The following PCDHGA10 variants were observed in gnomAD, a reference collection of about 807,000 sequenced individuals.
PCDHGA10 encodes protocadherin gamma-A10.
PCDHGA10 carries 42 observed loss-of-function variants against 59.5 expected under a neutral mutation model. That is an observed-to-expected ratio of 0.71 (90% CI 0.55 to 0.91). PCDHGA10 has a LOEUF of 0.91. Among genes scored for constraint, PCDHGA10 ranks in the 40% least tolerant of loss-of-function variants. The pLI is 0.00. For missense variants in PCDHGA10, 1,111 were observed against 1,198.2 expected (o/e 0.93, Z 1.07); for synonymous variants, 511 against 517.2 (o/e 0.99, Z 0.16).
At chr5:141,500,340 C>A (rs188966393) in intron 2 of PCDHGA10, among the ~76,000 whole-genome samples, 92 of 152,066 alleles carry the variant, frequency 6.0e-4, no homozygotes, top group African/African-American at 2.1e-3. Flanking sequence ...TCCAGAATAG[C>A]TGGGACTACA....
chr5:141,420,547 G>A (rs898726649), intron 1 of PCDHGA10: 1 of 278,678 alleles, frequency 3.6e-6, no homozygotes, highest in Non-Finnish European at 6.4e-6. Context: ...TAAAATACAG[G>A]TATATTTTTA....
intron 3 of PCDHGA10, among the ~76,000 whole-genome samples, chr5:141,509,004 G>A (rs2099873761): frequency 6.6e-6 from 1 of 152,072 alleles, no homozygotes; most frequent in South Asian, 2.1e-4. Context: ...AGGAGAGGAG[G>A]AAGTGGGCAG....
chr5:141,436,185 A>G (rs1324749623), intron 1 of PCDHGA10, among the ~76,000 whole-genome samples: 1 of 152,142 alleles, frequency 6.6e-6, no homozygotes, highest in Non-Finnish European at 1.5e-5. Flanking sequence ...ATATAGTCAA[A>G]TAGAAAGAAA....
At position 141,485,541 on chromosome 5, in the gene PCDHGA10, T is replaced by A; in HGVS notation, c.2437-9266T>A. 2 of 1,613,902 alleles carry A rather than the reference T, an allele frequency of 1.2e-6. No homozygotes were observed. Among genetic ancestry groups the A allele is most frequent in the Non-Finnish European group, 1.7e-6 (2 of 1,179,958 alleles). ...GAAATGTACCGAGCAGAGGTAGAGATCGTAGATGTGAATGATCACGCCCCC... is the reference window on the plus strand; with the variant it reads ...GAAATGTACCGAGCAGAGGTAGAGAACGTAGATGTGAATGATCACGCCCCC... On this transcript the variant is annotated intron_variant, in intron 1 of 3. Coordinates refer to ENST00000398610, the MANE Select transcript of PCDHGA10 (RefSeq NM_018913.3). The surrounding 1 kb of genome is among the most constrained non-coding windows in gnomAD (Gnocchi z 5.7).
At chr5:141,455,389 G>C (rs1190144149) in intron 1 of PCDHGA10, among the ~76,000 whole-genome samples, 1 of 152,114 alleles carries the variant, frequency 6.6e-6, no homozygotes, top group Non-Finnish European at 1.5e-5. Flanking sequence ...GAAGGAAGGA[G>C]CTCCCCCTTA....
intron 1 of PCDHGA10, among the ~76,000 whole-genome samples, chr5:141,446,536 GC>G (rs1043723006): frequency 2.0e-5 from 3 of 152,012 alleles, no homozygotes; most frequent in African/African-American, 7.2e-5. Context: ...GAGTGCAGTG[GC>G]CCTATCTCTG....
intron 1 of PCDHGA10, chr5:141,421,546 A>C: frequency 6.2e-7 from 1 of 1,614,014 alleles, no homozygotes; most frequent in Non-Finnish European, 8.5e-7. Context: ...TTTTTTAAAT[A>C]TGGAACTTCT....
At position 141,431,391 on chromosome 5, in the gene PCDHGA10, T is replaced by C; in HGVS notation, c.2436+15780T>C. Reference sequence around the variant, plus strand: ...GAAGAAAAGGCTGCTCACCACCTGGTCCTTACGGCCTCCGACGGGGGCGAC... The same window carrying C: ...GAAGAAAAGGCTGCTCACCACCTGGCCCTTACGGCCTCCGACGGGGGCGAC... On this transcript the variant is annotated intron_variant, in intron 1 of 3. Transcript: ENST00000398610. The surrounding 1 kb of genome is among the most constrained non-coding windows in gnomAD (Gnocchi z 4.8). 1 of 1,613,852 alleles carries C rather than the reference T, an allele frequency of 6.2e-7. No homozygotes were observed.
In PCDHGA10 at chr5:141,485,079, A is replaced by C; in HGVS notation, c.2437-9728A>C. ...AACCGCGCCAGAGCTGGCGCGGGGA[A>C]AGGGAGATAGGTGTCTCCAGCTGCT... is the stretch of plus-strand genomic sequence containing the variant. On this transcript the variant is annotated intron_variant, in intron 1 of 3. Transcript: ENST00000398610. This position sits in a 1 kb window ranked among gnomAD's most constrained non-coding sequence, Gnocchi z 5.7. 1 of 949,456 alleles carries C rather than the reference A, an allele frequency of 1.1e-6. No individual in the cohort carries two copies. The highest frequency in any genetic ancestry group is 1.6e-6 in the Non-Finnish European group (1 of 614,758). 58.8% of individuals were successfully genotyped at this position (949,456 alleles called of 1,614,324 possible).
chr5:141,449,930 A>G (rs1353778264), intron 1 of PCDHGA10, among the ~76,000 whole-genome samples: 1 of 151,614 alleles, frequency 6.6e-6, no homozygotes, highest in East Asian at 1.9e-4. Context: ...ACCATACCTT[A>G]TAGTATATTT....
intron 1 of PCDHGA10, chr5:141,423,397 C>A: frequency 1.9e-6 from 3 of 1,614,146 alleles, no homozygotes; most frequent in Non-Finnish European, 2.5e-6. Context: ...GCATAAGTCA[C>A]GCCTGCTGCA....
At chr5:141,419,024 G>A (rs1423033793) in intron 1 of PCDHGA10, 2 of 1,613,874 alleles carry the variant, frequency 1.2e-6, no homozygotes, top group Admixed American at 1.7e-5. Flanking sequence ...CTTAAGTAGA[G>A]GTGTTCCATT....
At chr5:141,483,737 G>T (rs1052778197) in intron 1 of PCDHGA10, among the ~76,000 whole-genome samples, 1 of 152,102 alleles carries the variant, frequency 6.6e-6, no homozygotes, top group Admixed American at 6.5e-5. Flanking sequence ...TAGTCAAAAG[G>T]ATATTCCTGA....
rs1032814206 is a variant in PCDHGA10, at chr5:141,472,764, T to A, written c.2437-22043T>A. Among the ~76,000 whole-genome samples, 12 of 152,040 alleles carry A rather than the reference T, an allele frequency of 7.9e-5. No individual in the cohort carries two copies. The East Asian group carries it at 2.1e-3, about 27-fold the overall frequency. ...ACTTTGGGAGGCGGAGGCTGGCAGATCACCTGAGGTTGGGAGTTCAAGATC... is the reference window on the plus strand; with the variant it reads ...ACTTTGGGAGGCGGAGGCTGGCAGAACACCTGAGGTTGGGAGTTCAAGATC... On this transcript the variant is annotated intron_variant, in intron 1 of 3. Coordinates refer to ENST00000398610, the MANE Select transcript of PCDHGA10 (RefSeq NM_018913.3).
At chr5:141,416,928 A>G (rs1297487387) in intron 1 of PCDHGA10, 4 of 152,170 alleles carry the variant, frequency 2.6e-5, no homozygotes, top group Non-Finnish European at 2.9e-5. Flanking sequence ...ATAGTTATTA[A>G]CTATTAAACC....
intron 1 of PCDHGA10, among the ~76,000 whole-genome samples, chr5:141,430,204 AATT>A (rs1179966513): frequency 6.6e-6 from 1 of 151,962 alleles, no homozygotes; most frequent in African/African-American, 2.4e-5. Context: ...AGAAAGTTTA[AATT>A]ATTATATTAT....
Position 141,413,690 on chromosome 5 carries a change from A to G in PCDHGA10, c.515A>G (p.Gln172Arg), listed in dbSNP as rs553462819. ...CCGGATGTGGGCGTGAACTCCCTGC[A>G]GAGCTATCAGCTCAGCCCCAATAAG... ...IDPDVGVNSL[Q>R]SYQLSPNKHF... The change falls in exon 1 of 4, where the codon CAG becomes CGG. Residue 172 changes from glutamine (Q) to arginine (R), a missense_variant. Physicochemically the swap from Gln to Arg is conservative, Grantham distance 43. Transcript: ENST00000398610. 1 of 1,613,702 alleles carries G rather than the reference A, an allele frequency of 6.2e-7. No homozygotes were observed. The highest frequency in any genetic ancestry group is 8.5e-7 in the Non-Finnish European group (1 of 1,179,800).
chr5:141,441,843 G>T, intron 1 of PCDHGA10: 1 of 356,176 alleles, frequency 2.8e-6, no homozygotes. Context: ...TCGCGCTCTT[G>T]GATATGGTGC....
In PCDHGA10 at chr5:141,442,072, C is replaced by G. The variant is rs1034351866; in HGVS notation, c.2436+26461C>G. On this transcript the variant is annotated intron_variant, in intron 1 of 3. Transcript: ENST00000398610. ...GTCGCGGTGCACTGCGGTGGACAGC[C>G]GCTCCTCTCGCTACCGCCACGTCAC... 17 of 175,092 alleles carry G rather than the reference C, an allele frequency of 9.7e-5. No homozygotes were observed. The South Asian group carries it at 1.5e-3, about 16-fold the overall frequency. 10.8% of individuals were successfully genotyped at this position (175,092 alleles called of 1,614,324 possible). A position where few individuals can be genotyped will look rare whatever the true frequency, so the allele number is the denominator to read the frequency against.
Sources: allele counts gnomAD v4.1 joint callset (sites outside exome capture counted in the v4.1 genomes callset), GRCh38; gene constraint gnomAD v4.1.1; non-coding constraint Gnocchi (gnomAD v3.1); transcripts MANE v1.5; gene names NCBI Gene and HGNC (gene_info 2026-07-23, HGNC 2026-07-21).